Variants in TNFRSF11A observed in about 807,000 individuals in gnomAD.
TNFRSF11A encodes the protein TNF receptor superfamily member 11a, also known as tumor necrosis factor receptor superfamily member 11A.
TNFRSF11A carries 32 observed loss-of-function variants against 55.7 expected under a neutral mutation model. The observed-to-expected ratio is 0.57, with a 90% CI of 0.43 to 0.77. The LOEUF (loss-of-function observed/expected upper bound fraction) is 0.77. Among genes scored for constraint, TNFRSF11A ranks in the 30% least tolerant of loss-of-function variants. TNFRSF11A has a pLI of 0.00. For synonymous variants in TNFRSF11A, 311 were observed against 331.0 expected, an observed-to-expected ratio of 0.94 and a Z score of 0.65; for missense variants, 753 against 809.8, an observed-to-expected ratio of 0.93 and a Z score of 0.85.
At chr18:62,345,259 G>A (rs759389369) in intron 1 of TNFRSF11A, among the ~76,000 whole-genome samples, 10 of 152,150 alleles carry the variant, frequency 6.6e-5, no homozygotes, top group Admixed American at 3.3e-4. Context: ...CAGAAAGGAA[G>A]AGGAAAAGGG....
chr18:62,341,491 T>C (rs2046309227), intron 1 of TNFRSF11A, among the ~76,000 whole-genome samples: 1 of 152,194 alleles, frequency 6.6e-6, no homozygotes, highest in African/African-American at 2.4e-5. Context: ...TTCCCCTTTC[T>C]AGTGACACCC....
chr18:62,355,051 G>A (rs1034031835), intron 4 of TNFRSF11A, among the ~76,000 whole-genome samples: 7 of 152,138 alleles, frequency 4.6e-5, no homozygotes, highest in East Asian at 1.9e-4. Flanking sequence ...AAACACCATG[G>A]CCATTTGTGC....
Position 62,354,271 on chromosome 18 carries a change from T to G in TNFRSF11A, c.284-120T>G, listed in dbSNP as rs3826620. 909,993 of 1,291,782 alleles carry G rather than the reference T, an allele frequency of 0.7. 321,668 individuals carry two copies. The highest frequency in any genetic ancestry group is 0.71 in the Non-Finnish European group (696,503 of 974,238). The allele number at this position is 1,291,782 out of a possible 1,614,324, so 80.0% of individuals were successfully genotyped here. A position where few individuals can be genotyped will look rare whatever the true frequency, so the allele number is the denominator to read the frequency against. ...CTCGAGCAGTGTCCTGGTGATTCAC[T>G]CTGCAGGCCTGCCAGGCGGGCTGCT... On this transcript the variant is annotated intron_variant, in intron 3 of 9. Transcript: ENST00000586569.
chr18:62,360,116 C>G (rs1469774306), intron 6 of TNFRSF11A, 67 bp downstream of exon 6: 32 of 1,324,222 alleles, frequency 2.4e-5, no homozygotes, highest in Non-Finnish European at 2.9e-5. Flanking sequence ...TTAGATCCCT[C>G]CCAGATGGCA....
Position 62,387,233 on chromosome 18 carries a change from C to T in TNFRSF11A, c.*2199C>T, listed in dbSNP as rs1444299981. ...GGTAATATTATTTCCTGCACTGATC[C>T]CTACTAATTCTATATTGATCCAAAG... On this transcript the variant is annotated 3_prime_UTR_variant, in exon 10 of 10. Coordinates refer to ENST00000586569, the MANE Select transcript of TNFRSF11A (RefSeq NM_003839.4). The T allele has an allele frequency of 6.6e-6, 1 of 152,052 alleles. No individual in the cohort carries two copies. The highest frequency in any genetic ancestry group is 6.6e-5 in the Admixed American group (1 of 15,262). The allele number at this position is 152,052 out of a possible 1,614,324, so 9.4% of individuals were successfully genotyped here. A position where few individuals can be genotyped will look rare whatever the true frequency, so the allele number is the denominator to read the frequency against.
intron 1 of TNFRSF11A, among the ~76,000 whole-genome samples, chr18:62,343,228 A>G (rs2046338296): frequency 1.3e-5 from 2 of 152,236 alleles, no homozygotes; most frequent in Admixed American, 6.5e-5. Flanking sequence ...ATGATATTTT[A>G]TAAAACAAAA....
At chr18:62,376,175 G>T (rs1288705929) in intron 9 of TNFRSF11A, among the ~76,000 whole-genome samples, 2 of 152,044 alleles carry the variant, frequency 1.3e-5, no homozygotes, top group Non-Finnish European at 2.9e-5. Context: ...CCCTGGTTAT[G>T]GTGAGACCCC....
At chr18:62,327,622 C>T (rs2046094413) in intron 1 of TNFRSF11A, among the ~76,000 whole-genome samples, 1 of 152,186 alleles carries the variant, frequency 6.6e-6, no homozygotes, top group Admixed American at 6.5e-5. Flanking sequence ...ATGGCATTGA[C>T]AGTTCATTGA....
At chr18:62,370,457 GCTT>G (rs1910464666) in intron 9 of TNFRSF11A, among the ~76,000 whole-genome samples, 1 of 152,130 alleles carries the variant, frequency 6.6e-6, no homozygotes, top group Non-Finnish European at 1.5e-5. Flanking sequence ...TTTCTTCTCT[GCTT>G]CTTTATTTAG....
In TNFRSF11A at chr18:62,389,181, G is replaced by A. The variant is rs1307251976; in HGVS notation, c.*4147G>A. On this transcript the variant is annotated 3_prime_UTR_variant, in exon 10 of 10. Coordinates refer to ENST00000586569, the MANE Select transcript of TNFRSF11A (RefSeq NM_003839.4). ...CTGGGAAAGGAGATGAGGAGCGCTG[G>A]AGGGTTCGGAGCAGAGAAGACGAGA... The A allele has an allele frequency of 6.6e-6, 1 of 152,354 alleles. No individual in the cohort carries two copies. Among genetic ancestry groups the A allele is most frequent in the Admixed American group, 6.5e-5 (1 of 15,290 alleles). The allele number at this position is 152,354 out of a possible 1,614,324, so 9.4% of individuals were successfully genotyped here.
rs1600346912 is a variant in TNFRSF11A, at chr18:62,332,086, T to C, written c.75+6659T>C. Among the ~76,000 whole-genome samples, 14 of 152,176 alleles carry C rather than the reference T, an allele frequency of 9.2e-5. No individual in the cohort carries two copies. The South Asian group carries it at 2.9e-3, about 32-fold the overall frequency. On this transcript the variant is annotated intron_variant, in intron 1 of 9. Coordinates refer to ENST00000586569, the MANE Select transcript of TNFRSF11A (RefSeq NM_003839.4). ...AAATTTGAAGACTTTCCATGAAAAA[T>C]GAGGAAGAAAAACTCTGTTTAGCTC...
intron 1 of TNFRSF11A, among the ~76,000 whole-genome samples, chr18:62,328,188 C>T (rs985660967): frequency 6.6e-6 from 1 of 151,254 alleles, no homozygotes; most frequent in Non-Finnish European, 1.5e-5. Context: ...AAGAAAAGTA[C>T]AGAGGGTGGC....
chr18:62,375,014 C>T (rs1395087873), intron 9 of TNFRSF11A, among the ~76,000 whole-genome samples: 1 of 151,998 alleles, frequency 6.6e-6, no homozygotes. Context: ...AATCCATCCT[C>T]CCATCTCAGC....
In TNFRSF11A at chr18:62,384,824, C is replaced by G; in HGVS notation, c.1641C>G (p.Ile547Met). ...TGATGAACTTCAAGGGCGACATCAT[C>G]GTGGTCTACGTCAGCCAGACCTCGC... is the stretch of plus-strand genomic sequence containing the variant. Reference protein sequence around the residue: ...GQVMNFKGDIIVVYVSQTSQE... With the variant: ...GQVMNFKGDIMVVYVSQTSQE... The change falls in exon 10 of 10, where the codon ATC becomes ATG. Residue 547 changes from isoleucine to methionine, a missense_variant. This residue lies in a region of TNFRSF11A where 567 missense variants were observed against 596.7 expected (regional missense o/e 0.95). Coordinates refer to ENST00000586569, the MANE Select transcript of TNFRSF11A (RefSeq NM_003839.4). 1 of 1,611,904 alleles carries G rather than the reference C, an allele frequency of 6.2e-7. No individual in the cohort carries two copies. The highest frequency in any genetic ancestry group is 8.5e-7 in the Non-Finnish European group (1 of 1,179,198).
intron 4 of TNFRSF11A, among the ~76,000 whole-genome samples, chr18:62,357,321 A>G (rs1909329903): frequency 6.6e-6 from 1 of 152,226 alleles, no homozygotes; most frequent in Admixed American, 6.5e-5. Context: ...CCGAAGAATC[A>G]TCATGTGTGG....
intron 9 of TNFRSF11A, among the ~76,000 whole-genome samples, chr18:62,382,324 T>C (rs1911351747): frequency 6.6e-6 from 1 of 152,126 alleles, no homozygotes; most frequent in South Asian, 2.1e-4. Flanking sequence ...TTGGCCAGGC[T>C]GGTCTTGAAC....
chr18:62,377,653 G>A (rs1215444825), intron 9 of TNFRSF11A, among the ~76,000 whole-genome samples: 1 of 152,166 alleles, frequency 6.6e-6, no homozygotes, highest in African/African-American at 2.4e-5. Flanking sequence ...ATGATGTGGA[G>A]CATCTTTTCA....
rs749839997 is a variant in TNFRSF11A at position 62,369,214 on chromosome 18, CACTGGGCAGCCAGCCCCAGCCCCA to C, written c.1307_1330del (p.Ala436_Ala443del). On this transcript the variant is annotated inframe_deletion, in exon 9 of 10. Transcript: ENST00000586569. ...AGAGGTGGACAGTGGCCATTGCCCG[CACTGGGCAGCCAGCCCCAGCCCCA>C]ACTGGGCAGATGTCTGCACAGGCTG... 7 of 1,613,914 alleles carry C rather than the reference CACTGGGCAGCCAGCCCCAGCCCCA, an allele frequency of 4.3e-6. No individual in the cohort carries two copies. The highest frequency in any genetic ancestry group is 5.9e-6 in the Non-Finnish European group (7 of 1,180,050).
At chr18:62,384,275 CTCT>C (rs1368555851) in intron 9 of TNFRSF11A, among the ~76,000 whole-genome samples, 21 of 149,838 alleles carry the variant, frequency 1.4e-4, no homozygotes, top group African/African-American at 3.9e-4. Flanking sequence ...CCTCCTCCTC[CTCT>C]TCCTCTCCTC....
Sources: gnomAD v4.1 joint callset for allele counts (sites outside exome capture counted in the v4.1 genomes callset) on GRCh38, gnomAD v4.1.1 for gene constraint, gnomAD v4.1.1 regional missense constraint, MANE v1.5 for transcripts, NCBI Gene and HGNC (gene_info 2026-07-23, HGNC 2026-07-21) for gene names.